Variants in HMGN5 observed in about 807,000 individuals in gnomAD.
HMGN5 encodes the protein high mobility group nucleosome binding domain 5, also known as high mobility group nucleosome-binding domain-containing protein 5.
HMGN5 carries 4 observed loss-of-function variants against 9.5 expected under a neutral mutation model. The ratio of observed to expected loss-of-function variants is 0.42; its 90% CI spans 0.21 to 0.96. The LOEUF (loss-of-function observed/expected upper bound fraction) is 0.96. Ranked by LOEUF, HMGN5 falls within the 40% of genes least tolerant of loss-of-function variation. HMGN5 has a pLI of 0.30. For synonymous variants in HMGN5, 55 were observed against 57.1 expected (o/e 0.96, Z 0.16); for missense variants, 192 against 187.5 (o/e 1.02, Z -0.14).
At position 81,163,849 on chromosome X, in the gene HMGN5, C is replaced by G. The variant is rs1022475057; in HGVS notation, c.-124+37888G>C. Among the ~76,000 whole-genome samples, 5 of 111,425 alleles carry G rather than the reference C, an allele frequency of 4.5e-5. No individual in the cohort carries two copies. The Admixed American group carries it at 4.8e-4, about 11-fold the overall frequency. On this transcript the variant is annotated intron_variant, in intron 1 of 6. Transcript: ENST00000358130. The stretch of plus-strand genomic sequence containing the variant: ...TTATGCGATCTCCATTTGAGATTCA[C>G]TGATTTGTACACTAATATCCTCCTG...
chrX:81,114,782 T>C lies in HMGN5; in HGVS notation c.716A>G (p.Lys239Arg). 1 of 1,163,558 alleles carries C rather than the reference T, an allele frequency of 8.6e-7. No homozygotes were observed. The highest frequency in any genetic ancestry group is 1.1e-6 in the Non-Finnish European group (1 of 871,551). Residue 239 changes from lysine to arginine, a missense_variant, in exon 7 of 7, where the codon AAA becomes AGA. Coordinates refer to ENST00000358130, the MANE Select transcript of HMGN5 (RefSeq NM_030763.3). Reference sequence around the variant, plus strand: ...TTCCTCATTTCCACCTTCATCTTCTTTTCCATCTTCTCTCTCTTTTTCATC... The same window carrying C: ...TTCCTCATTTCCACCTTCATCTTCTCTTCCATCTTCTCTCTCTTTTTCATC... ...KEDEKEREDG[K>R]EDEGGNEEEA...
At chrX:81,197,522 A>G (rs952486831) in intron 1 of HMGN5, among the ~76,000 whole-genome samples, 1 of 111,680 alleles carries the variant, frequency 9.0e-6, no homozygotes, top group East Asian at 2.8e-4. Context: ...ATTGGAAGGT[A>G]TTTTATAATA....
At chrX:81,197,605 T>G (rs1232633315) in intron 1 of HMGN5, 1 of 110,531 alleles carries the variant, frequency 9.0e-6, no homozygotes, top group East Asian at 2.8e-4. Context: ...GAATTACAAC[T>G]CCAAAGAGCT....
At chrX:81,154,119 C>T (rs2075376572) in intron 1 of HMGN5, among the ~76,000 whole-genome samples, 1 of 110,927 alleles carries the variant, frequency 9.0e-6, no homozygotes, top group South Asian at 3.8e-4. Flanking sequence ...TTAAATTCTA[C>T]AGAGCTTTAG....
intron 1 of HMGN5, among the ~76,000 whole-genome samples, chrX:81,141,234 A>C (rs1479170052): frequency 8.9e-6 from 1 of 111,882 alleles, no homozygotes; most frequent in Non-Finnish European, 1.9e-5. Flanking sequence ...GCCTGGGGGA[A>C]GTCTTCACCC....
chrX:81,193,605 G>A (rs894931393), intron 1 of HMGN5, among the ~76,000 whole-genome samples: 10 of 111,707 alleles, frequency 9.0e-5, no homozygotes, highest in African/African-American at 1.6e-4. Flanking sequence ...TGAGTGTTCT[G>A]GAGGTGTCAA....
At chrX:81,186,163 T>C (rs1039344143) in intron 1 of HMGN5, among the ~76,000 whole-genome samples, 4 of 112,101 alleles carry the variant, frequency 3.6e-5, no homozygotes, top group Non-Finnish European at 7.5e-5. Flanking sequence ...TCTTCTATGT[T>C]TCACAATAGT....
intron 1 of HMGN5, among the ~76,000 whole-genome samples, chrX:81,141,491 AAAGAG>A (rs2075329759): frequency 2.4e-4 from 26 of 108,189 alleles, no homozygotes; most frequent in Admixed American, 7.9e-4. Flanking sequence ...AGAGAGAGAG[AAAGAG>A]AGAGAGAGAG....
intron 4 of HMGN5, 25 bp downstream of exon 4, chrX:81,118,705 G>A: frequency 8.5e-7 from 1 of 1,172,087 alleles, no homozygotes; most frequent in Non-Finnish European, 1.2e-6. Flanking sequence ...CAATACATGG[G>A]CTGCTTTTTG....
In HMGN5 at chrX:81,150,353, C is replaced by T. The variant is rs935830375; in HGVS notation, c.-123-28681G>A. On this transcript the variant is annotated intron_variant, in intron 1 of 6. Transcript: ENST00000358130. ...CCGAGGCGGGTGGATCACCTGAGGT[C>T]AGGAGTTTGAGACCAGCCTAGCCAA... 4.5e-5 allele frequency among the ~76,000 whole-genome samples: 5 copies of T among 111,178 alleles called. 1 individual carries two copies. The highest frequency in any genetic ancestry group is 3.8e-4 in the Admixed American group (4 of 10,428).
intron 1 of HMGN5, among the ~76,000 whole-genome samples, chrX:81,196,546 T>TTTTTTG (rs57965596): frequency 0.018 from 1,965 of 108,355 alleles, 44 homozygotes; most frequent in African/African-American, 0.062. Context: ...TGTTTGTTTG[T>TTTTTTG]TTTTTGTTTT....
At chrX:81,120,291 G>A in intron 2 of HMGN5, among the ~76,000 whole-genome samples, 1 of 111,258 alleles carries the variant, frequency 9.0e-6, no homozygotes, top group Non-Finnish European at 1.9e-5. Context: ...CCCCCACAGT[G>A]TTTTCTTGGG....
chrX:81,173,083 A>G, intron 1 of HMGN5, among the ~76,000 whole-genome samples: 1 of 111,373 alleles, frequency 9.0e-6, no homozygotes. Context: ...TTATTGGTGT[A>G]CTGTTTGGAT....
At chrX:81,158,586 T>C (rs753338940) in intron 1 of HMGN5, among the ~76,000 whole-genome samples, 35 of 112,468 alleles carry the variant, frequency 3.1e-4, no homozygotes, top group Non-Finnish European at 5.2e-4. Flanking sequence ...ATGGATAGGC[T>C]GCAAAAATTT....
At chrX:81,116,131 C>A in intron 6 of HMGN5, 73 bp downstream of exon 6, 1 of 800,816 alleles carries the variant, frequency 1.2e-6, no homozygotes, top group Non-Finnish European at 1.8e-6. Flanking sequence ...AACTAAAAGG[C>A]AAATAGGATT....
intron 6 of HMGN5, among the ~76,000 whole-genome samples, chrX:81,115,619 T>C (rs2075251100): frequency 8.9e-6 from 1 of 112,213 alleles, no homozygotes; most frequent in Non-Finnish European, 1.9e-5. Context: ...TAACATATTT[T>C]GTTTCTATAA....
intron 1 of HMGN5, among the ~76,000 whole-genome samples, chrX:81,174,569 A>C (rs920622689): frequency 9.0e-6 from 1 of 111,536 alleles, no homozygotes; most frequent in Admixed American, 9.5e-5. Flanking sequence ...AAAACATAGA[A>C]TAAAATACAT....
chrX:81,159,865 A>G (rs772830439), intron 1 of HMGN5, among the ~76,000 whole-genome samples: 40 of 111,413 alleles, frequency 3.6e-4, no homozygotes, highest in Non-Finnish European at 4.3e-4. Context: ...CTTTTAATGT[A>G]TTAATTTAAA....
intron 1 of HMGN5, among the ~76,000 whole-genome samples, chrX:81,176,368 G>A (rs1462264311): frequency 1.8e-5 from 2 of 111,474 alleles, no homozygotes; most frequent in African/African-American, 3.3e-5. Flanking sequence ...AATCAGAGGA[G>A]CACCTCCTCT....
Sources: gnomAD v4.1 joint callset for allele counts (sites outside exome capture counted in the v4.1 genomes callset) on GRCh38, gnomAD v4.1.1 for gene constraint, MANE v1.5 for transcripts, NCBI Gene and HGNC (gene_info 2026-07-23, HGNC 2026-07-21) for gene names.